SLC22A24: variants seen among roughly 807,000 people sequenced by gnomAD.
SLC22A24 encodes the protein steroid transmembrane transporter SLC22A24.
A neutral mutation model predicts 49.8 loss-of-function variants in SLC22A24; 53 were observed. That is an observed-to-expected ratio of 1.06 (90% CI 0.85 to 1.34). The LOEUF (loss-of-function observed/expected upper bound fraction) is 1.34. SLC22A24 is among the 40% of genes most tolerant of loss of function. The probability of loss-of-function intolerance (pLI) is 0.00; values close to 1 mark genes in which losing one functional copy is unlikely to be tolerated. For missense variants in SLC22A24, 786 were observed against 675.9 expected, an observed-to-expected ratio of 1.16 and a Z score of -1.81; for synonymous variants, 302 against 256.4, an observed-to-expected ratio of 1.18 and a Z score of -1.70.
At chr11:63,115,431 T>G (rs1021250066) in intron 4 of SLC22A24, among the ~76,000 whole-genome samples, 9 of 152,274 alleles carry the variant, frequency 5.9e-5, no homozygotes, top group Middle Eastern at 6.8e-3. Flanking sequence ...AAGCACAGTA[T>G]TTAGGCAGGA....
At chr11:63,136,113 C>A (rs2134682894) in intron 1 of SLC22A24, among the ~76,000 whole-genome samples, 1 of 152,272 alleles carries the variant, frequency 6.6e-6, no homozygotes, top group South Asian at 2.1e-4. Flanking sequence ...TTATTCTACA[C>A]AACAACAAAC....
At chr11:63,088,568 G>A (rs1211715780) in intron 6 of SLC22A24, among the ~76,000 whole-genome samples, 1 of 152,138 alleles carries the variant, frequency 6.6e-6, no homozygotes, top group Non-Finnish European at 1.5e-5. Context: ...ACAAAACTGG[G>A]CAGAGAATGA....
At position 63,111,738 on chromosome 11, in the gene SLC22A24, CTT is replaced by C. The variant is rs1038107764; in HGVS notation, c.830+7172_830+7173del. ...TATTGTGTCTATTTGATTCTTCTCT[CTT>C]TTTTTCTGTATTAGACTTGCTAGTG... On this transcript the variant is annotated intron_variant, in intron 4 of 9. Transcript: ENST00000612278. Among the ~76,000 whole-genome samples, 288 of 152,186 alleles carry C rather than the reference CTT, an allele frequency of 1.9e-3. 1 individual carries two copies. The highest frequency in any genetic ancestry group is 4.6e-3 in the Admixed American group (71 of 15,274).
chr11:63,122,060 G>A (rs1287791241), intron 2 of SLC22A24, among the ~76,000 whole-genome samples: 1 of 152,102 alleles, frequency 6.6e-6, no homozygotes, highest in Non-Finnish European at 1.5e-5. Context: ...CATCAATAAG[G>A]AAAATGATTA....
chr11:63,093,778 A>G (rs1271877246), intron 6 of SLC22A24, among the ~76,000 whole-genome samples: 1 of 152,062 alleles, frequency 6.6e-6, no homozygotes, highest in African/African-American at 2.4e-5. Flanking sequence ...AATAATCTGT[A>G]CCACAAACTC....
rs774735623 is a variant in SLC22A24 at position 63,096,054 on chromosome 11, GAT to G, written c.1005_1006del (p.Ser336HisfsTer108). ...GGGTGCACGGAACAGGGAAAAAATGGATGTTTTAATTCGGACTGCATCCAACT... is the reference window on the plus strand; with the variant it reads ...GGGTGCACGGAACAGGGAAAAAATGGGTTTTAATTCGGACTGCATCCAACT... On this transcript the variant is annotated frameshift_variant, in exon 6 of 10. Coordinates refer to ENST00000612278, the MANE Select transcript of SLC22A24 (RefSeq NM_001136506.2). LOFTEE classifies it high-confidence loss of function. 114 of 1,550,820 alleles carry G rather than the reference GAT, an allele frequency of 7.4e-5. No homozygotes were observed. Among genetic ancestry groups the G allele is most frequent in the Non-Finnish European group, 9.7e-5 (111 of 1,146,450 alleles).
chr11:63,133,228 C>T (rs1203539815), intron 2 of SLC22A24, among the ~76,000 whole-genome samples: 1 of 152,164 alleles, frequency 6.6e-6, no homozygotes, highest in Non-Finnish European at 1.5e-5. Flanking sequence ...TCACACCTTC[C>T]CTTGGCTAGG....
intron 4 of SLC22A24, among the ~76,000 whole-genome samples, chr11:63,104,711 T>C (rs1409136726): frequency 6.6e-6 from 1 of 152,172 alleles, no homozygotes; most frequent in African/African-American, 2.4e-5. Context: ...ATGAGACTTA[T>C]TCACTACCAT....
At chr11:63,084,670 CT>C (rs2086977583) in intron 6 of SLC22A24, among the ~76,000 whole-genome samples, 1 of 152,148 alleles carries the variant, frequency 6.6e-6, no homozygotes. Flanking sequence ...AATGCCCGAC[CT>C]TTGCTTTCTT....
rs747409119 is a variant in SLC22A24, at chr11:63,143,496, TG to T, written c.283del (p.Gln95SerfsTer7). On this transcript the variant is annotated frameshift_variant, in exon 1 of 10. Transcript: ENST00000612278. LOFTEE classifies it high-confidence loss of function. ...PQKCQRFIHP[Q>X]WQLLHLNGTF... is the part of the protein sequence containing the mutation. The stretch of plus-strand genomic sequence containing the variant: ...CCCGTTCAGGTGAAGGAGCTGCCAC[TG>T]GGGATGGATAAAGCGCTGACACTTC... The T allele has an allele frequency of 1.2e-6, 2 of 1,600,920 alleles. No individual in the cohort carries two copies. The highest frequency in any genetic ancestry group is 1.7e-5 in the Admixed American group (1 of 58,534).
intron 4 of SLC22A24, among the ~76,000 whole-genome samples, chr11:63,109,754 G>T (rs989967137): frequency 3.9e-5 from 6 of 152,140 alleles, no homozygotes; most frequent in Non-Finnish European, 7.4e-5. Context: ...TTAGCCCTTT[G>T]TCAGATGAGT....
intron 2 of SLC22A24, among the ~76,000 whole-genome samples, chr11:63,129,639 C>G (rs960743691): frequency 5.9e-5 from 9 of 152,014 alleles, no homozygotes; most frequent in African/African-American, 2.2e-4. Context: ...TGCTTGTGTC[C>G]TCTTTTATTT....
chr11:63,135,697 T>C (rs951505933), intron 1 of SLC22A24, among the ~76,000 whole-genome samples: 1 of 152,212 alleles, frequency 6.6e-6, no homozygotes, highest in Admixed American at 6.5e-5. Flanking sequence ...TTTTTGACTA[T>C]GGAAATGATG....
At chr11:63,098,757 C>A (rs2087071129) in intron 5 of SLC22A24, among the ~76,000 whole-genome samples, 2 of 151,664 alleles carry the variant, frequency 1.3e-5, no homozygotes, top group Non-Finnish European at 1.5e-5. Flanking sequence ...CAAACCAAAC[C>A]CCCAAAATAG....
chr11:63,140,089 T>G (rs868620851), intron 1 of SLC22A24, among the ~76,000 whole-genome samples: 1 of 9,140 alleles, frequency 1.1e-4, no homozygotes, highest in African/African-American at 1.7e-4. Flanking sequence ...TTTTTTTTTG[T>G]TTTTTTTTTT....
intron 6 of SLC22A24, among the ~76,000 whole-genome samples, chr11:63,087,024 G>GCGTGCA (rs376936925): frequency 5.3e-5 from 7 of 132,556 alleles, no homozygotes; most frequent in South Asian, 2.6e-4. Context: ...CCTGGAGGGC[G>GCGTGCA]CACACACACA....
intron 4 of SLC22A24, among the ~76,000 whole-genome samples, chr11:63,111,040 TGA>T (rs1279229947): frequency 3.9e-5 from 6 of 152,272 alleles, no homozygotes; most frequent in African/African-American, 9.6e-5. Context: ...CCTAATTTAT[TGA>T]GAGTTTTTAG....
chr11:63,104,242 A>T lies in SLC22A24; in HGVS notation c.887T>A (p.Leu296Ter), dbSNP rs760779705. The change falls in exon 5 of 10, where the codon TTA becomes TAA. Residue 296 changes from leucine to a stop codon, truncating the protein, a stop_gained. Transcript: ENST00000612278. LOFTEE classifies it high-confidence loss of function. Reference protein sequence around the residue: ...LIINNQLDEGLKELRRVAHIN... With the variant: ...LIINNQLDEG ...GTGTGCAACTCTTCTAAGCTCCTTT[A>T]AGCCCTCATCTAGCTGATTGTTGAT... 5 of 1,550,708 alleles carry T rather than the reference A, an allele frequency of 3.2e-6. No homozygotes were observed. In the South Asian group the frequency reaches 5.9e-5, roughly 18 times the overall value.
At chr11:63,105,951 T>C (rs2087118628) in intron 4 of SLC22A24, among the ~76,000 whole-genome samples, 2 of 152,140 alleles carry the variant, frequency 1.3e-5, no homozygotes, top group Admixed American at 1.3e-4. Flanking sequence ...ATTATTATAC[T>C]TTAAGTTTTA....
Sources: gnomAD v4.1 joint callset for allele counts (sites outside exome capture counted in the v4.1 genomes callset) on GRCh38, gnomAD v4.1.1 for gene constraint, MANE v1.5 for transcripts, NCBI Gene and HGNC (gene_info 2026-07-23, HGNC 2026-07-21) for gene names.